SGCD: variants seen among roughly 807,000 people sequenced by gnomAD.
SGCD encodes the protein sarcoglycan delta.
Under a neutral mutation model 36.6 loss-of-function variants are expected in SGCD, and 18 were observed. That is an observed-to-expected ratio of 0.49 (90% confidence interval 0.34 to 0.73). SGCD has a LOEUF of 0.73. SGCD is among the 30% of genes least tolerant of loss of function. The pLI is 0.01. For synonymous variants in SGCD, 133 were observed against 130.6 expected (o/e 1.02, Z -0.12); for missense variants, 387 against 346.7 (o/e 1.12, Z -0.92).
rs554757831 is a variant in SGCD, at chr5:156,356,846, A to T, written c.192+12169A>T. The stretch of plus-strand genomic sequence containing the variant: ...TAACGATGAGGCAGAGGAAAATTTG[A>T]CACAGAAGAGGAGGAGGCAATATGA... On this transcript the variant is annotated intron_variant, in intron 3 of 8. Coordinates refer to ENST00000337851, the MANE Select transcript of SGCD (RefSeq NM_000337.6). 7.3e-4 allele frequency among the ~76,000 whole-genome samples: 111 copies of T among 152,292 alleles called. 1 individual carries two copies. Among genetic ancestry groups the T allele is most frequent in the African/African-American group, 2.6e-3 (107 of 41,566 alleles).
At chr5:156,270,695 T>G (rs922897293) in intron 3 of SGCD, among the ~76,000 whole-genome samples, 5 of 152,142 alleles carry the variant, frequency 3.3e-5, no homozygotes, top group Non-Finnish European at 5.9e-5. Context: ...ACTCTTCAAC[T>G]CTCTATTTAC....
intron 1 of SGCD, among the ~76,000 whole-genome samples, chr5:156,006,711 G>A (rs1027154304): frequency 5.9e-5 from 9 of 152,118 alleles, no homozygotes; most frequent in Non-Finnish European, 7.3e-5. Context: ...AGAGATAAAT[G>A]GGTGGATTCT....
intron 1 of SGCD, among the ~76,000 whole-genome samples, chr5:156,078,535 A>T (rs930190791): frequency 2.1e-5 from 3 of 142,884 alleles, no homozygotes; most frequent in African/African-American, 7.8e-5. Context: ...ATATATATAT[A>T]TATTTATTTA....
chr5:156,286,571 A>T (rs1766603080), intron 3 of SGCD, among the ~76,000 whole-genome samples: 1 of 152,214 alleles, frequency 6.6e-6, no homozygotes, highest in Non-Finnish European at 1.5e-5. Context: ...AACTATTGCA[A>T]GGACAATAAA....
At chr5:156,720,694 T>C (rs1755453304) in intron 7 of SGCD, among the ~76,000 whole-genome samples, 1 of 152,236 alleles carries the variant, frequency 6.6e-6, no homozygotes, top group Non-Finnish European at 1.5e-5. Flanking sequence ...GGGCCTGTAC[T>C]CTGAAACAAA....
At chr5:156,457,506 G>A (rs1041605923) in intron 3 of SGCD, among the ~76,000 whole-genome samples, 2 of 152,130 alleles carry the variant, frequency 1.3e-5, no homozygotes, top group Non-Finnish European at 2.9e-5. Context: ...CTGAATGGTG[G>A]CTTTAGATAT....
chr5:156,131,166 A>G (rs911288187), intron 3 of SGCD, among the ~76,000 whole-genome samples: 7 of 152,244 alleles, frequency 4.6e-5, no homozygotes, highest in Admixed American at 4.6e-4. Context: ...ATCATGGACC[A>G]TAATATAAAT....
intron 4 of SGCD, among the ~76,000 whole-genome samples, chr5:156,582,792 C>T (rs1313392764): frequency 1.3e-5 from 2 of 152,162 alleles, no homozygotes; most frequent in African/African-American, 4.8e-5. Flanking sequence ...CAGACGCACA[C>T]AGGTGCATGC....
chr5:156,330,139 G>A (rs1424540090), intron 2 of SGCD, among the ~76,000 whole-genome samples: 1 of 150,604 alleles, frequency 6.6e-6, no homozygotes, highest in Non-Finnish European at 1.5e-5. Flanking sequence ...GAAACTTTTT[G>A]AGCACTGACA....
intron 1 of SGCD, among the ~76,000 whole-genome samples, chr5:155,943,424 T>C (rs1307833991): frequency 1.3e-5 from 2 of 152,190 alleles, no homozygotes; most frequent in Admixed American, 6.5e-5. Flanking sequence ...TGTTTCTTCA[T>C]GTATTTATTT....
chr5:156,650,010 G>A (rs1763401573), intron 7 of SGCD, among the ~76,000 whole-genome samples: 2 of 151,974 alleles, frequency 1.3e-5, no homozygotes, highest in African/African-American at 4.8e-5. Context: ...TAAATCTTCT[G>A]TACTTAAAAA....
At chr5:155,871,058 T>C (rs569516927) in intron 1 of SGCD, among the ~76,000 whole-genome samples, 10 of 152,074 alleles carry the variant, frequency 6.6e-5, no homozygotes, top group Non-Finnish European at 1.5e-4. Context: ...TTTTGCAACT[T>C]TTCTGTAGAG....
intron 1 of SGCD, among the ~76,000 whole-genome samples, chr5:156,108,927 C>T (rs1490860561): frequency 2.6e-5 from 4 of 152,094 alleles, no homozygotes; most frequent in African/African-American, 9.7e-5. Context: ...AAAATGGAAC[C>T]TTTGTATTAT....
Position 156,231,018 on chromosome 5 carries a change from G to T in SGCD, c.-43-98516G>T, listed in dbSNP as rs190064807. On this transcript the variant is annotated intron_variant, in intron 3 of 9. Transcript: ENST00000517913. ...AAGCAAATAAAAAGGCTACAAGGAG[G>T]GTTGTTTCAAAAGGGAAGGCATAGA... is the stretch of plus-strand genomic sequence containing the variant. 6.6e-5 allele frequency among the ~76,000 whole-genome samples: 10 copies of T among 152,180 alleles called. No homozygotes were observed. In the East Asian group the frequency reaches 1.7e-3, roughly 26 times the overall value.
intron 4 of SGCD, among the ~76,000 whole-genome samples, chr5:156,540,895 G>A (rs558088293): frequency 6.6e-6 from 1 of 152,226 alleles, no homozygotes; most frequent in African/African-American, 2.4e-5. Flanking sequence ...TTTTTTAAAA[G>A]ATAAACATTT....
At chr5:156,297,653 G>A (rs2127682097) in intron 3 of SGCD, among the ~76,000 whole-genome samples, 1 of 119,304 alleles carries the variant, frequency 8.4e-6, no homozygotes, top group African/African-American at 3.1e-5. Context: ...TGGGGGGAGG[G>A]GGGCGGGATA....
At chr5:156,071,702 C>T (rs899276334) in intron 1 of SGCD, among the ~76,000 whole-genome samples, 5 of 152,240 alleles carry the variant, frequency 3.3e-5, no homozygotes, top group Admixed American at 1.3e-4. Context: ...CTTTCTGTCT[C>T]ATTGATCTGT....
At chr5:156,199,000 G>C (rs915988151) in intron 3 of SGCD, among the ~76,000 whole-genome samples, 17 of 151,932 alleles carry the variant, frequency 1.1e-4, no homozygotes, top group African/African-American at 4.1e-4. Context: ...CAGCTCAATG[G>C]TATTTGAATA....
rs559072234 is a variant in SGCD, at chr5:156,719,303, GCCCA to G, written c.576-38272_576-38269del. ...TGAGACTTTCAACTGATTGGATGAG[GCCCA>G]CCCACATTCTGGAGCCTAATCTGCT... is the stretch of plus-strand genomic sequence containing the variant. On this transcript the variant is annotated intron_variant, in intron 7 of 8. Transcript: ENST00000337851. Among the ~76,000 whole-genome samples, 590 of 151,928 alleles carry G rather than the reference GCCCA, an allele frequency of 3.9e-3. 3 individuals are homozygous for G. Among genetic ancestry groups the G allele is most frequent in the Non-Finnish European group, 6.5e-3 (445 of 67,962 alleles).
Sources: allele counts gnomAD v4.1 joint callset (sites outside exome capture counted in the v4.1 genomes callset), GRCh38; gene constraint gnomAD v4.1.1; transcripts MANE v1.5; gene names NCBI Gene and HGNC (gene_info 2026-07-23, HGNC 2026-07-21).